Variants in PITPNA observed in about 807,000 individuals in gnomAD.
The protein encoded by PITPNA is phosphatidylinositol transfer protein alpha.
A neutral mutation model predicts 50.3 loss-of-function variants in PITPNA; 13 were observed. The ratio of observed to expected loss-of-function variants is 0.26; its 90% CI spans 0.17 to 0.41. PITPNA has a LOEUF of 0.41. PITPNA is among the 10% of genes least tolerant of loss of function. The probability of loss-of-function intolerance (pLI) is 1.00; values close to 1 mark genes in which losing one functional copy is unlikely to be tolerated. For synonymous variants in PITPNA, 120 were observed against 119.6 expected, an observed-to-expected ratio of 1.00 and a Z score of -0.02; for missense variants, 207 against 333.4, an observed-to-expected ratio of 0.62 and a Z score of 2.95.
intron 6 of PITPNA, 115 bp downstream of exon 6, chr17:1,541,451 G>T: frequency 1.3e-6 from 1 of 763,444 alleles, no homozygotes; most frequent in Non-Finnish European, 2.3e-6. Context: ...AGAGGCCACT[G>T]CCTTCCCGGC....
chr17:1,541,734 G>A (rs1353064180), intron 5 of PITPNA, 94 bp from the exon 6 acceptor site: 1 of 818,996 alleles, frequency 1.2e-6, no homozygotes, highest in African/African-American at 1.7e-5. Flanking sequence ...CTGGATCATG[G>A]GCAGCTAGGA....
intron 4 of PITPNA, among the ~76,000 whole-genome samples, chr17:1,545,726 C>T (rs916108762): frequency 3.3e-5 from 5 of 152,068 alleles, no homozygotes; most frequent in Admixed American, 2.6e-4. Flanking sequence ...CCATGTCAGC[C>T]GCAACACTCT....
chr17:1,521,119 G>A (rs1041720260), intron 11 of PITPNA, among the ~76,000 whole-genome samples: 1 of 152,200 alleles, frequency 6.6e-6, no homozygotes, highest in Non-Finnish European at 1.5e-5. Flanking sequence ...GTATGGGATC[G>A]GGGGTATAAA....
chr17:1,547,565 G>A (rs1182695914), intron 4 of PITPNA, among the ~76,000 whole-genome samples: 2 of 151,922 alleles, frequency 1.3e-5, no homozygotes, highest in Non-Finnish European at 1.5e-5. Flanking sequence ...CACGAGAATC[G>A]CTTGAACCCA....
chr17:1,547,859 C>T (rs892679820), intron 4 of PITPNA, among the ~76,000 whole-genome samples: 6 of 151,462 alleles, frequency 4.0e-5, no homozygotes, highest in Non-Finnish European at 7.4e-5. Context: ...CCAGGCGTGG[C>T]GGTATGCGCC....
chr17:1,537,124 C>A (rs1394400010), intron 7 of PITPNA, among the ~76,000 whole-genome samples: 2 of 151,770 alleles, frequency 1.3e-5, no homozygotes, highest in African/African-American at 4.8e-5. Flanking sequence ...GGTGCAAAGG[C>A]ATGATCTCGG....
chr17:1,523,991 T>C (rs747330240), intron 10 of PITPNA, among the ~76,000 whole-genome samples: 4 of 151,560 alleles, frequency 2.6e-5, no homozygotes, highest in Non-Finnish European at 5.9e-5. Flanking sequence ...ACTAATTGTA[T>C]GACCTTGAGT....
At chr17:1,528,293 A>G (rs772838557) in intron 10 of PITPNA, among the ~76,000 whole-genome samples, 2 of 152,094 alleles carry the variant, frequency 1.3e-5, no homozygotes, top group Non-Finnish European at 2.9e-5. Flanking sequence ...GGCACACACC[A>G]CCACACCTGG....
chr17:1,552,845 A>G (rs1291099003), intron 3 of PITPNA, among the ~76,000 whole-genome samples, 159 bp downstream of exon 3: 1 of 152,238 alleles, frequency 6.6e-6, no homozygotes, highest in East Asian at 1.9e-4. Context: ...TCCCATCTAT[A>G]TAAATGTGAG....
intron 7 of PITPNA, among the ~76,000 whole-genome samples, chr17:1,537,801 T>TTGTGTG (rs140453081): frequency 1.3e-5 from 2 of 151,094 alleles, no homozygotes; most frequent in African/African-American, 2.4e-5. Context: ...CAAAATAACT[T>TTGTGTG]TGTGTGTGTG....
In PITPNA at chr17:1,525,320, G is replaced by A. The variant is rs148674194; in HGVS notation, c.769-3675C>T. Among the ~76,000 whole-genome samples, 162 of 152,100 alleles carry A rather than the reference G, an allele frequency of 1.1e-3. 2 individuals carry two copies. The East Asian group carries it at 0.026, about 24-fold the overall frequency. ...AATTATTTGAGACCCTGTTTCAAAT[G>A]TTGTTTATTTTATTCTTTCGTTCCA... On this transcript the variant is annotated intron_variant, in intron 10 of 11. Transcript: ENST00000313486.
At position 1,556,324 on chromosome 17, in the gene PITPNA, G is replaced by A. The variant is rs553976508; in HGVS notation, c.51+2205C>T. 2.6e-5 allele frequency among the ~76,000 whole-genome samples: 4 copies of A among 152,306 alleles called. No individual in the cohort carries two copies. The East Asian group carries it at 7.7e-4, about 29-fold the overall frequency. On this transcript the variant is annotated intron_variant, in intron 2 of 11. Coordinates refer to ENST00000313486, the MANE Select transcript of PITPNA (RefSeq NM_006224.4). ...ATCAGCACTCACTTCCCAAGCTTCT[G>A]CTTAGACTTCAGGCTCTGATTACTC...
At chr17:1,524,211 A>ATT in intron 10 of PITPNA, among the ~76,000 whole-genome samples, 1 of 150,020 alleles carries the variant, frequency 6.7e-6, no homozygotes, top group East Asian at 2.0e-4. Context: ...CGCCCGGCTA[A>ATT]TTTTTTGTGT....
chr17:1,533,808 C>A (rs950094755), intron 10 of PITPNA, among the ~76,000 whole-genome samples: 1 of 152,158 alleles, frequency 6.6e-6, no homozygotes, highest in Non-Finnish European at 1.5e-5. Flanking sequence ...TCTTTCCCAC[C>A]AGGCTCTGAA....
At chr17:1,553,595 G>A (rs373083533) in intron 2 of PITPNA, among the ~76,000 whole-genome samples, 96 of 152,018 alleles carry the variant, frequency 6.3e-4, no homozygotes, top group African/African-American at 2.2e-3. Context: ...ACACCACCAC[G>A]CAGAAAACAG....
At chr17:1,560,832 G>A (rs1184101925) in intron 1 of PITPNA, among the ~76,000 whole-genome samples, 1 of 152,196 alleles carries the variant, frequency 6.6e-6, no homozygotes, top group Admixed American at 6.5e-5. Flanking sequence ...AAGAAACAGA[G>A]GGGATGAGGC....
chr17:1,535,453 G>T lies in PITPNA; in HGVS notation c.522C>A (p.Gly174=). ...KSIKTGRGPL[G]PNWKQELVNQ... ...GTGTGAATGGTACCTTCCAATTGGG[G>T]CCCAAGGGTCCTCGGCCTGTTTTGA... The change falls in exon 8 of 12, where the codon GGC becomes GGA. Residue 174 remains glycine, a synonymous_variant. Transcript: ENST00000313486. The T allele has an allele frequency of 1.2e-6, 2 of 1,612,792 alleles. No homozygotes were observed. Among genetic ancestry groups the T allele is most frequent in the East Asian group, 2.2e-5 (1 of 44,876 alleles).
Position 1,562,599 on chromosome 17 carries a change from G to A in PITPNA, c.-39C>T, listed in dbSNP as rs1283463998. 23 of 1,245,668 alleles carry A rather than the reference G, an allele frequency of 1.8e-5. No individual in the cohort carries two copies. The highest frequency in any genetic ancestry group is 2.2e-5 in the Non-Finnish European group (22 of 991,464). The allele number at this position is 1,245,668 out of a possible 1,614,324, so 77.2% of individuals were successfully genotyped here. On this transcript the variant is annotated 5_prime_UTR_variant, in exon 1 of 12. Coordinates refer to ENST00000313486, the MANE Select transcript of PITPNA (RefSeq NM_006224.4). The surrounding 1 kb of genome is among the most constrained non-coding windows in gnomAD (Gnocchi z 6.4). ...TCGGTGGCTGCCCGCGGCCCGCCCG[G>A]CCTCCCGCCCGCTGCCCGCCGGCCG... is the stretch of plus-strand genomic sequence containing the variant.
At chr17:1,548,118 G>A (rs914416053) in intron 4 of PITPNA, among the ~76,000 whole-genome samples, 178 bp downstream of exon 4, 1 of 152,210 alleles carries the variant, frequency 6.6e-6, no homozygotes, top group South Asian at 2.1e-4. Flanking sequence ...AGGCCGTGAC[G>A]ACCGGTGCTT....
Sources: allele counts gnomAD v4.1 joint callset (sites outside exome capture counted in the v4.1 genomes callset), GRCh38; gene constraint gnomAD v4.1.1; non-coding constraint Gnocchi (gnomAD v3.1); transcripts MANE v1.5; gene names NCBI Gene and HGNC (gene_info 2026-07-23, HGNC 2026-07-21).